Variants in OTUD6B observed in about 807,000 individuals in gnomAD.
OTUD6B encodes OTU deubiquitinase 6B.
OTUD6B carries 41 observed loss-of-function variants against 36.9 expected under a neutral mutation model. The observed-to-expected ratio is 1.11, with a 90% confidence interval of 0.87 to 1.44. The LOEUF (loss-of-function observed/expected upper bound fraction) is 1.44. Among genes scored for constraint, OTUD6B ranks in the 40% most tolerant of loss-of-function variants. The pLI, the probability that OTUD6B is intolerant of heterozygous loss-of-function variation, is 0.00. For missense variants in OTUD6B, 356 were observed against 344.8 expected, an observed-to-expected ratio of 1.03 and a Z score of -0.26; for synonymous variants, 114 against 114.2, an observed-to-expected ratio of 1.00 and a Z score of 0.01.
intron 5 of OTUD6B, among the ~76,000 whole-genome samples, chr8:91,081,856 G>A (rs535717716): frequency 2.0e-5 from 3 of 152,240 alleles, no homozygotes; most frequent in Admixed American, 1.3e-4. Flanking sequence ...GTATGCCTCG[G>A]AAACTCAGGA....
chr8:91,082,745 C>CT (rs369648071), intron 5 of OTUD6B, among the ~76,000 whole-genome samples: 1,613 of 111,758 alleles, frequency 0.014, 13 homozygotes, highest in Non-Finnish European at 0.017. Context: ...GGTCATATGT[C>CT]TTTTTTTTTT....
intron 3 of OTUD6B, among the ~76,000 whole-genome samples, chr8:91,075,113 AAAT>A (rs1812777318): frequency 6.6e-6 from 1 of 152,120 alleles, no homozygotes; most frequent in Non-Finnish European, 1.5e-5. Flanking sequence ...GCCTCTTAAA[AAAT>A]TAAACCTAAA....
intron 5 of OTUD6B, 21 bp from the exon 6 acceptor site, chr8:91,083,987 A>T: frequency 1.3e-6 from 2 of 1,542,806 alleles, no homozygotes; most frequent in Non-Finnish European, 1.7e-6. Context: ...TTCCTTACTG[A>T]TACTTTTTTT....
At chr8:91,083,196 A>G (rs1474219961) in intron 5 of OTUD6B, among the ~76,000 whole-genome samples, 1 of 152,166 alleles carries the variant, frequency 6.6e-6, no homozygotes, top group Non-Finnish European at 1.5e-5. Context: ...TGAAAATTAT[A>G]GAACAGTGGT....
intron 2 of OTUD6B, among the ~76,000 whole-genome samples, chr8:91,071,656 C>T (rs746986410): frequency 6.6e-6 from 1 of 152,146 alleles, no homozygotes; most frequent in Non-Finnish European, 1.5e-5. Context: ...CCCTGTTAAA[C>T]TGTTTATTAT....
At chr8:91,083,078 A>T (rs1812939422) in intron 5 of OTUD6B, among the ~76,000 whole-genome samples, 1 of 152,070 alleles carries the variant, frequency 6.6e-6, no homozygotes, top group Non-Finnish European at 1.5e-5. Context: ...ATCTGGCTTT[A>T]GGCTCTAATT....
chr8:91,071,716 G>A (rs1812703705), intron 2 of OTUD6B, among the ~76,000 whole-genome samples: 1 of 152,164 alleles, frequency 6.6e-6, no homozygotes, highest in Admixed American at 6.5e-5. Flanking sequence ...TTATGCTCAT[G>A]CATCACTTCT....
Position 91,078,527 on chromosome 8 carries a change from A to C in OTUD6B, c.487A>C (p.Ile163Leu). 1 of 1,610,066 alleles carries C rather than the reference A, an allele frequency of 6.2e-7. No individual in the cohort carries two copies. The highest frequency in any genetic ancestry group is 8.5e-7 in the Non-Finnish European group (1 of 1,178,040). Residue 163 changes from isoleucine (I) to leucine (L), a missense_variant, in exon 4 of 7, where the codon ATT becomes CTT. Coordinates refer to ENST00000404789, the MANE Select transcript of OTUD6B (RefSeq NM_016023.5). ...TGATGGCCACTGTATGTATAAAGCC[A>C]TTGAAGATCAACTGAAAGAAAAGGA... is the stretch of plus-strand genomic sequence containing the variant. The part of the protein sequence containing the change: ...PSDGHCMYKA[I>L]EDQLKEKDCA...
intron 3 of OTUD6B, among the ~76,000 whole-genome samples, chr8:91,074,980 G>T (rs1398521876): frequency 6.6e-6 from 1 of 151,940 alleles, no homozygotes; most frequent in African/African-American, 2.4e-5. Flanking sequence ...TTAACACAAG[G>T]CCTGGAGAAC....
At chr8:91,078,910 T>G in intron 4 of OTUD6B, 1 of 324,280 alleles carries the variant, frequency 3.1e-6, no homozygotes, top group Non-Finnish European at 5.6e-6. Flanking sequence ...TTATGTAAGA[T>G]AGAAGTAGGA....
chr8:91,073,911 G>C lies in OTUD6B; in HGVS notation c.315G>C (p.Arg105=), dbSNP rs1563580253. The C allele has an allele frequency of 6.3e-7, 1 of 1,582,434 alleles. No homozygotes were observed. The highest frequency in any genetic ancestry group is 2.3e-5 in the East Asian group (1 of 43,848). Residue 105 remains arginine (R), a splice_region_variant and synonymous_variant, in exon 3 of 7, where the codon CGG becomes CGC. Coordinates refer to ENST00000404789, the MANE Select transcript of OTUD6B (RefSeq NM_016023.5). ...PPRISKAQKR[R]EKKAALEKER... is the part of the protein sequence containing the mutation. ...GGATATCAAAAGCACAAAAGAGACG[G>C]GTATGAAAGTCATGTCACCAAGTAT...
Position 91,086,287 on chromosome 8 carries a change from A to G in OTUD6B, c.*1419A>G, listed in dbSNP as rs984350186. On this transcript the variant is annotated 3_prime_UTR_variant, in exon 7 of 7. Transcript: ENST00000404789. ...AAAAATGGGGTGTCAGTCTTTTCACACGCCCAGCAGGTAACAATGTGGGAA... is the reference window on the plus strand; with the variant it reads ...AAAAATGGGGTGTCAGTCTTTTCACGCGCCCAGCAGGTAACAATGTGGGAA... 1.3e-5 allele frequency: 2 copies of G among 152,038 alleles called. No individual in the cohort carries two copies. Among genetic ancestry groups the G allele is most frequent in the South Asian group, 2.1e-4 (1 of 4,834 alleles). The allele number at this position is 152,038 out of a possible 1,614,324, so 9.4% of individuals were successfully genotyped here. A position where few individuals can be genotyped will look rare whatever the true frequency, so the allele number is the denominator to read the frequency against.
rs553766774 is a variant in OTUD6B, at chr8:91,073,781, C to A, written c.235-50C>A. 64 of 1,483,682 alleles carry A rather than the reference C, an allele frequency of 4.3e-5. No individual in the cohort carries two copies. The East Asian group carries it at 1.3e-3, about 29-fold the overall frequency. The allele number at this position is 1,483,682 out of a possible 1,614,324, so 91.9% of individuals were successfully genotyped here. On this transcript the variant is annotated intron_variant, in intron 2 of 6. Coordinates refer to ENST00000404789, the MANE Select transcript of OTUD6B (RefSeq NM_016023.5). Reference sequence around the variant, plus strand: ...TGGGATTAGATATATTTATGATTTTCAGTAATTTAATAAGTACATTGACTT... The same window carrying A: ...TGGGATTAGATATATTTATGATTTTAAGTAATTTAATAAGTACATTGACTT...
At position 91,084,819 on chromosome 8, in the gene OTUD6B, A is replaced by G. The variant is rs1812979989; in HGVS notation, c.833A>G (p.Tyr278Cys). 1.3e-6 allele frequency: 2 copies of G among 1,586,164 alleles called. No homozygotes were observed. The highest frequency in any genetic ancestry group is 1.7e-6 in the Non-Finnish European group (2 of 1,162,370). Residue 278 changes from tyrosine to cysteine, a missense_variant, in exon 7 of 7, where the codon TAT (tyrosine) becomes TGT (cysteine). Physicochemically the swap from Tyr to Cys is radical, Grantham distance 194 (BLOSUM62 -2). Coordinates refer to ENST00000404789, the MANE Select transcript of OTUD6B (RefSeq NM_016023.5). ...MRHAYGLGEHYNSVTRLVNIV... is the reference protein window; with the variant it reads ...MRHAYGLGEHCNSVTRLVNIV... ...CATGCATATGGCTTAGGAGAACATTATAATTCGGTTACACGGTTGGTAAAC... is the reference window on the plus strand; with the variant it reads ...CATGCATATGGCTTAGGAGAACATTGTAATTCGGTTACACGGTTGGTAAAC...
In OTUD6B at chr8:91,071,213, C is replaced by T. The variant is rs1008311775; in HGVS notation, c.158C>T (p.Ala53Val). 1.2e-6 allele frequency: 2 copies of T among 1,613,428 alleles called. No homozygotes were observed. Among genetic ancestry groups the T allele is most frequent in the Non-Finnish European group, 1.7e-6 (2 of 1,179,676 alleles). The stretch of plus-strand genomic sequence containing the variant: ...AGGAAGCAACTCACCGAAGATGTGG[C>T]CAAGTTGGAAAAAGAAATGGAACAG... The part of the protein sequence containing the change: ...KRRKQLTEDV[A>V]KLEKEMEQKH... Residue 53 changes from alanine (A) to valine (V), a missense_variant, in exon 2 of 7, where the codon GCC becomes GTC. Coordinates refer to ENST00000404789, the MANE Select transcript of OTUD6B (RefSeq NM_016023.5).
At chr8:91,076,635 C>T (rs747246560) in intron 3 of OTUD6B, 185 of 1,530,760 alleles carry the variant, frequency 1.2e-4, no homozygotes, top group Non-Finnish European at 1.6e-4. Flanking sequence ...TTGGTCCCTG[C>T]TCTGCTCTTA....
chr8:91,076,520 A>G, intron 3 of OTUD6B: 4 of 1,520,884 alleles, frequency 2.6e-6, no homozygotes, highest in Non-Finnish European at 3.5e-6. Context: ...ATAAAGTGCC[A>G]CTCTTTCAGT....
chr8:91,075,669 A>C (rs1041439516), intron 3 of OTUD6B, among the ~76,000 whole-genome samples: 1 of 152,120 alleles, frequency 6.6e-6, no homozygotes, highest in East Asian at 1.9e-4. Context: ...ATGCCCAAGT[A>C]ATGTTTTTAC....
chr8:91,081,661 ACCT>A (rs1210890540), intron 5 of OTUD6B, among the ~76,000 whole-genome samples: 1 of 147,320 alleles, frequency 6.8e-6, no homozygotes, highest in Non-Finnish European at 1.5e-5. Context: ...AGATGGATGA[ACCT>A]AGGCAGTACG....
Sources: gnomAD v4.1 joint callset for allele counts (sites outside exome capture counted in the v4.1 genomes callset) on GRCh38, gnomAD v4.1.1 for gene constraint, MANE v1.5 for transcripts, NCBI Gene and HGNC (gene_info 2026-07-23, HGNC 2026-07-21) for gene names.